SAMMSON: variants seen among roughly 807,000 people sequenced by gnomAD.
SAMMSON encodes the protein survival associated mitochondrial melanoma specific oncogenic non-coding RNA.
chr3:70,146,523 A>G (rs754553077), intron 4 of SAMMSON, among the ~76,000 whole-genome samples: 1 of 152,018 alleles, frequency 6.6e-6, no homozygotes, highest in Non-Finnish European at 1.5e-5. Flanking sequence ...AAAGTCAATC[A>G]ATGTAATCCA....
At chr3:70,290,120 T>G (rs1413800189) in intron 6 of SAMMSON, among the ~76,000 whole-genome samples, 41 of 152,180 alleles carry the variant, frequency 2.7e-4, no homozygotes, top group South Asian at 1.0e-3. Context: ...CGTTCCTTTG[T>G]AGGAGGAGAG....
intron 3 of SAMMSON, among the ~76,000 whole-genome samples, chr3:70,034,741 G>C (rs1425442272): frequency 6.6e-6 from 1 of 152,142 alleles, no homozygotes; most frequent in Non-Finnish European, 1.5e-5. Context: ...CTACTCAGGA[G>C]GCTGAGGCAG....
chr3:70,150,960 T>C (rs1013708431), intron 4 of SAMMSON, among the ~76,000 whole-genome samples: 1 of 152,048 alleles, frequency 6.6e-6, no homozygotes, highest in African/African-American at 2.4e-5. Flanking sequence ...TTCTGGGTTA[T>C]CAGATTAACA....
chr3:70,158,115 T>G (rs756024916), intron 4 of SAMMSON, among the ~76,000 whole-genome samples: 2 of 152,120 alleles, frequency 1.3e-5, no homozygotes, highest in Non-Finnish European at 2.9e-5. Flanking sequence ...AAAGTAAATT[T>G]ACCAAGTTGT....
At chr3:70,306,168 G>A (rs150777205) in intron 7 of SAMMSON, among the ~76,000 whole-genome samples, 2 of 152,148 alleles carry the variant, frequency 1.3e-5, no homozygotes, top group African/African-American at 4.8e-5. Context: ...CAATGGCGTG[G>A]TCTCAGCTCA....
At chr3:70,206,423 T>G (rs1701291286) in intron 4 of SAMMSON, 1 of 393,070 alleles carries the variant, frequency 2.5e-6, no homozygotes, top group South Asian at 1.4e-4. Flanking sequence ...CCTTGACATA[T>G]GTCATTCACC....
chr3:70,207,010 G>A (rs1426959853), intron 4 of SAMMSON, among the ~76,000 whole-genome samples: 4 of 150,306 alleles, frequency 2.7e-5, no homozygotes, highest in Non-Finnish European at 5.9e-5. Context: ...ACCTATCATG[G>A]TAATTTGTAA....
intron 3 of SAMMSON, among the ~76,000 whole-genome samples, chr3:70,048,912 A>G (rs775172901): frequency 1.2e-4 from 18 of 152,150 alleles, no homozygotes; most frequent in Non-Finnish European, 2.4e-4. Context: ...TCAGGTGTCA[A>G]CCATTCTTTG....
At position 70,422,996 on chromosome 3, in the gene SAMMSON, T is replaced by C. The variant is rs139038737; in HGVS notation, n.234-39564T>C. Among the ~76,000 whole-genome samples the C allele has an allele frequency of 3.1e-3, 478 of 152,116 alleles. 3 individuals are homozygous for C. Among genetic ancestry groups the C allele is most frequent in the African/African-American group, 0.011 (455 of 41,544 alleles). The stretch of plus-strand genomic sequence containing the variant: ...TTATAATAAAATTCACAGAGTCACT[T>C]ATAATGAAGTTGTAAAAAACATTAG... On this transcript the variant is annotated intron_variant and non_coding_transcript_variant, in intron 2 of 3. Transcript: ENST00000641053.
At chr3:70,430,061 G>A (rs1480576102) in intron 2 of SAMMSON, among the ~76,000 whole-genome samples, 1 of 152,146 alleles carries the variant, frequency 6.6e-6, no homozygotes, top group Admixed American at 6.5e-5. Context: ...GAAGGGGAAT[G>A]CTTCCAGCTT....
At chr3:70,300,334 TACA>T (rs1171487326) in intron 7 of SAMMSON, among the ~76,000 whole-genome samples, 4 of 152,124 alleles carry the variant, frequency 2.6e-5, no homozygotes, top group Non-Finnish European at 4.4e-5. Context: ...CACCTTCTCT[TACA>T]ACATTATACA....
At chr3:70,224,168 G>A (rs561885625) in intron 4 of SAMMSON, among the ~76,000 whole-genome samples, 70 of 152,090 alleles carry the variant, frequency 4.6e-4, no homozygotes, top group Non-Finnish European at 3.5e-4. Flanking sequence ...AACTGGATTC[G>A]TAGACTTTGG....
intron 4 of SAMMSON, among the ~76,000 whole-genome samples, chr3:70,109,672 G>A (rs933809226): frequency 3.3e-5 from 5 of 152,102 alleles, no homozygotes; most frequent in African/African-American, 4.8e-5. Context: ...GCATCTCCAC[G>A]TTTCAGATGA....
chr3:70,231,340 C>T (rs953015396), intron 4 of SAMMSON, among the ~76,000 whole-genome samples: 7 of 152,200 alleles, frequency 4.6e-5, no homozygotes, highest in Non-Finnish European at 8.8e-5. Context: ...GACAAGCAGC[C>T]CGCCATCTCT....
intron 4 of SAMMSON, among the ~76,000 whole-genome samples, chr3:70,074,296 G>A (rs2067240700): frequency 6.6e-6 from 1 of 152,030 alleles, no homozygotes; most frequent in Admixed American, 6.6e-5. Flanking sequence ...GTCTTTTCCT[G>A]TGAACAGTTT....
intron 2 of SAMMSON, among the ~76,000 whole-genome samples, chr3:70,401,238 C>T (rs1026876967): frequency 1.1e-4 from 17 of 152,220 alleles, no homozygotes; most frequent in Middle Eastern, 3.4e-3. Context: ...GATAATGTTT[C>T]ATATCATTAC....
intron 4 of SAMMSON, among the ~76,000 whole-genome samples, chr3:70,087,756 C>T (rs2067291225): frequency 6.6e-6 from 1 of 152,160 alleles, no homozygotes; most frequent in African/African-American, 2.4e-5. Flanking sequence ...GAATCATGGG[C>T]ACTTCAGTTC....
At chr3:70,104,777 T>C (rs1223307839) in intron 4 of SAMMSON, among the ~76,000 whole-genome samples, 1 of 152,158 alleles carries the variant, frequency 6.6e-6, no homozygotes, top group Non-Finnish European at 1.5e-5. Flanking sequence ...TCTCTATGTG[T>C]GGGTATGTTG....
At chr3:70,045,385 G>A (rs952780093) in intron 3 of SAMMSON, among the ~76,000 whole-genome samples, 1 of 150,838 alleles carries the variant, frequency 6.6e-6, no homozygotes, top group Non-Finnish European at 1.5e-5. Flanking sequence ...ACCTTTAAAA[G>A]CATGTTTGAA....
Sources: gnomAD v4.1 joint callset for allele counts (sites outside exome capture counted in the v4.1 genomes callset) on GRCh38, gnomAD v4.1.1 for gene constraint, MANE v1.5 for transcripts, NCBI Gene and HGNC (gene_info 2026-07-23, HGNC 2026-07-21) for gene names.